The following SPSB4 variants were observed in gnomAD, a reference collection of about 807,000 sequenced individuals.
SPSB4 encodes the protein SPRY domain-containing SOCS box protein 4.
A neutral mutation model predicts 20.9 loss-of-function variants in SPSB4; 21 were observed. The observed-to-expected ratio is 1.01, with a 90% CI of 0.71 to 1.45. The LOEUF (loss-of-function observed/expected upper bound fraction) is 1.45. Ranked by LOEUF, SPSB4 falls within the 40% of genes most tolerant of loss-of-function variation. SPSB4 has a pLI of 0.00. For synonymous variants in SPSB4, 207 were observed against 183.8 expected, an observed-to-expected ratio of 1.13 and a Z score of -1.02; for missense variants, 399 against 399.2, an observed-to-expected ratio of 1.00 and a Z score of 0.00.
At chr3:141,126,938 C>T (rs1450228235) in intron 2 of SPSB4, among the ~76,000 whole-genome samples, 1 of 152,254 alleles carries the variant, frequency 6.6e-6, no homozygotes, top group East Asian at 1.9e-4. Flanking sequence ...CCCCATGCCC[C>T]AGCCCGGGCT....
At position 141,071,028 on chromosome 3, in the gene SPSB4, C is replaced by T. The variant is rs568436972; in HGVS notation, c.694+4230C>T. Among the ~76,000 whole-genome samples, 3 of 152,334 alleles carry T rather than the reference C, an allele frequency of 2.0e-5. No individual in the cohort carries two copies. In the East Asian group the frequency reaches 5.8e-4, roughly 29 times the overall value. On this transcript the variant is annotated intron_variant, in intron 2 of 2. Transcript: ENST00000310546. Reference sequence around the variant, plus strand: ...TTCCTCCTCTGGCTGGCTTTACCTCCAGCCCTCAAAGCTCTTGGCTCAGCA... The same window carrying T: ...TTCCTCCTCTGGCTGGCTTTACCTCTAGCCCTCAAAGCTCTTGGCTCAGCA...
At chr3:141,116,758 C>T (rs2107800022) in intron 2 of SPSB4, among the ~76,000 whole-genome samples, 1 of 152,322 alleles carries the variant, frequency 6.6e-6, no homozygotes, top group South Asian at 2.1e-4. Flanking sequence ...CTACAACTTA[C>T]TACAACTATA....
At chr3:141,070,899 A>G (rs2107781542) in intron 2 of SPSB4, among the ~76,000 whole-genome samples, 1 of 152,336 alleles carries the variant, frequency 6.6e-6, no homozygotes, top group East Asian at 1.9e-4. Context: ...GAGAATGCGC[A>G]GGAGCATCTG....
intron 2 of SPSB4, among the ~76,000 whole-genome samples, chr3:141,090,251 C>T (rs912406171): frequency 1.3e-5 from 2 of 152,174 alleles, no homozygotes; most frequent in African/African-American, 4.8e-5. Flanking sequence ...ACATGCCAAG[C>T]ACTATTCCAG....
intron 2 of SPSB4, among the ~76,000 whole-genome samples, chr3:141,109,043 G>A (rs778092247): frequency 6.6e-6 from 1 of 152,168 alleles, no homozygotes; most frequent in Non-Finnish European, 1.5e-5. Flanking sequence ...GGGCCTTTTG[G>A]AGTCCAGTTT....
intron 2 of SPSB4, chr3:141,076,821 G>GTA (rs1938119995): frequency 6.6e-6 from 1 of 152,140 alleles, no homozygotes; most frequent in Non-Finnish European, 1.5e-5. Flanking sequence ...GCATTGGCAG[G>GTA]CCCCAGTACC....
At chr3:141,100,209 G>A (rs1379756082) in intron 2 of SPSB4, among the ~76,000 whole-genome samples, 2 of 152,114 alleles carry the variant, frequency 1.3e-5, no homozygotes, top group East Asian at 3.9e-4. Flanking sequence ...TGAGTTGATT[G>A]TGTCCCCCAC....
chr3:141,087,975 A>C (rs932864606), intron 2 of SPSB4, among the ~76,000 whole-genome samples: 2 of 152,150 alleles, frequency 1.3e-5, no homozygotes, highest in Admixed American at 1.3e-4. Flanking sequence ...CCTTGAGCGG[A>C]GATTTAAAGC....
intron 1 of SPSB4, among the ~76,000 whole-genome samples, chr3:141,058,395 T>G (rs769614840): frequency 6.6e-6 from 1 of 152,214 alleles, no homozygotes; most frequent in African/African-American, 2.4e-5. Context: ...TTCTGGATAA[T>G]GTCATTAAGC....
intron 2 of SPSB4, among the ~76,000 whole-genome samples, chr3:141,146,025 C>T (rs768804362): frequency 3.3e-5 from 5 of 152,116 alleles, no homozygotes; most frequent in Non-Finnish European, 5.9e-5. Flanking sequence ...GCATATATTA[C>T]ACTCTATTAA....
intron 2 of SPSB4, among the ~76,000 whole-genome samples, chr3:141,071,573 C>T (rs1938004425): frequency 6.6e-6 from 1 of 151,958 alleles, no homozygotes; most frequent in South Asian, 2.1e-4. Context: ...GGGAAGGTAA[C>T]GAATTTGCCC....
intron 1 of SPSB4, among the ~76,000 whole-genome samples, chr3:141,053,160 G>A (rs960095331): frequency 1.3e-5 from 2 of 151,968 alleles, no homozygotes; most frequent in South Asian, 2.1e-4. Flanking sequence ...GATGAAGATA[G>A]GAGTTCCTTT....
intron 2 of SPSB4, chr3:141,114,998 G>T (rs1416902670): frequency 6.6e-6 from 1 of 152,240 alleles, no homozygotes; most frequent in Non-Finnish European, 1.5e-5. Context: ...TGGAAATCAC[G>T]TGACCTCTCT....
rs1044618136 is a variant in SPSB4 at position 141,147,485 on chromosome 3, C to T, written c.*216C>T. On this transcript the variant is annotated 3_prime_UTR_variant, in exon 3 of 3. Coordinates refer to ENST00000310546, the MANE Select transcript of SPSB4 (RefSeq NM_080862.3). ...TGCCCTCGAGGCAGCCCTCCCAAGT[C>T]AGACACCTCCTTCGGAGCCACAGAG... 3.4e-5 allele frequency: 23 copies of T among 678,384 alleles called. No homozygotes were observed. The highest frequency in any genetic ancestry group is 3.8e-5 in the Non-Finnish European group (16 of 426,284). The allele number at this position is 678,384 out of a possible 1,614,324, so 42.0% of individuals were successfully genotyped here.
chr3:141,079,743 C>T (rs1938191028), intron 2 of SPSB4, among the ~76,000 whole-genome samples: 2 of 152,192 alleles, frequency 1.3e-5, no homozygotes, highest in South Asian at 4.1e-4. Flanking sequence ...AGATATAGAA[C>T]AAAGTTGGAG....
At chr3:141,093,273 A>G (rs1235800470) in intron 2 of SPSB4, among the ~76,000 whole-genome samples, 1 of 145,102 alleles carries the variant, frequency 6.9e-6, no homozygotes, top group Non-Finnish European at 1.5e-5. Context: ...GAATATGATG[A>G]CAACAACAAT....
At chr3:141,082,357 A>G (rs1938248967) in intron 2 of SPSB4, among the ~76,000 whole-genome samples, 2 of 152,060 alleles carry the variant, frequency 1.3e-5, no homozygotes, top group African/African-American at 4.8e-5. Flanking sequence ...ATCTGCATCC[A>G]TGGTTGGGAG....
Position 141,094,762 on chromosome 3 carries a change from GCCCGCCCCCCGCCC to G in SPSB4, c.694+27973_694+27986del, listed in dbSNP as rs1160459571. Among the ~76,000 whole-genome samples, 4 of 130,228 alleles carry G rather than the reference GCCCGCCCCCCGCCC, an allele frequency of 3.1e-5. No homozygotes were observed. The East Asian group carries it at 8.9e-4, about 29-fold the overall frequency. 85.4% of individuals were successfully genotyped at this position (130,228 alleles called of 152,430 possible). On this transcript the variant is annotated intron_variant, in intron 2 of 2. Transcript: ENST00000310546. Reference sequence around the variant, plus strand: ...GCCTGAAGGTTCTCCCTTGTGCCCTGCCCGCCCCCCGCCCCCCGCCCCTTTGCCCCCCTGGGAGC... The same window carrying G: ...GCCTGAAGGTTCTCCCTTGTGCCCTGCCCGCCCCTTTGCCCCCCTGGGAGC...
At position 141,122,059 on chromosome 3, in the gene SPSB4, C is replaced by T. The variant is rs757937823; in HGVS notation, c.695-25083C>T. On this transcript the variant is annotated intron_variant, in intron 2 of 2. Transcript: ENST00000310546. The stretch of plus-strand genomic sequence containing the variant: ...CTCCCCCTCTTTGTGGTTTTATCTA[C>T]GTTTGGTTTTTGATGTTGGTGACCT... 2.6e-5 allele frequency among the ~76,000 whole-genome samples: 4 copies of T among 152,218 alleles called. No homozygotes were observed. The East Asian group carries it at 5.8e-4, about 22-fold the overall frequency.
Sources: allele counts gnomAD v4.1 joint callset (sites outside exome capture counted in the v4.1 genomes callset), GRCh38; gene constraint gnomAD v4.1.1; transcripts MANE v1.5; gene names NCBI Gene and HGNC (gene_info 2026-07-23, HGNC 2026-07-21).